The following EMP2 variants were observed in gnomAD, a reference collection of about 807,000 sequenced individuals.
The protein encoded by EMP2 is epithelial membrane protein 2.
A neutral mutation model predicts 13.7 loss-of-function variants in EMP2; 19 were observed. That is an observed-to-expected ratio of 1.38 (90% CI 0.97 to 2.03). EMP2 has a LOEUF of 2.03. Among genes scored for constraint, EMP2 ranks in the 30% most tolerant of loss-of-function variants. The pLI is 0.00. For synonymous variants in EMP2, 97 were observed against 84.7 expected (o/e 1.15, Z -0.80); for missense variants, 253 against 220.7 (o/e 1.15, Z -0.93).
intron 1 of EMP2, among the ~76,000 whole-genome samples, chr16:10,577,551 T>C (rs2050991958): frequency 6.6e-6 from 1 of 152,142 alleles, no homozygotes; most frequent in African/African-American, 2.4e-5. Flanking sequence ...CTGCTCTGCC[T>C]GTCACCACCA....
chr16:10,542,931 C>T (rs1222042253), intron 3 of EMP2, among the ~76,000 whole-genome samples: 3 of 152,190 alleles, frequency 2.0e-5, no homozygotes, highest in Admixed American at 6.5e-5. Context: ...CCGCAACCTC[C>T]GCCTCCTGGA....
rs1224991301 is a variant in EMP2, at chr16:10,533,017, T to C, written c.392A>G (p.Tyr131Cys). ...GTAGCTGCCTTCTCTGGTCACGGGA[T>C]AGAATTTCGCGTTTTTGTCGTGAAT... is the stretch of plus-strand genomic sequence containing the variant. ...EDIHDKNAKF[Y>C]PVTREGSYGY... Residue 131 changes from tyrosine (Y) to cysteine (C), a missense_variant, in exon 5 of 5, where the codon TAT (tyrosine) becomes TGT (cysteine). Coordinates refer to ENST00000359543, the MANE Select transcript of EMP2 (RefSeq NM_001424.6). 3 of 1,611,912 alleles carry C rather than the reference T, an allele frequency of 1.9e-6. No individual in the cohort carries two copies. Among genetic ancestry groups the C allele is most frequent in the South Asian group, 1.1e-5 (1 of 90,526 alleles).
rs923999651 is a variant in EMP2, at chr16:10,530,871, T to A, written c.*2034A>T. The A allele has an allele frequency of 1.3e-5, 2 of 152,196 alleles. No individual in the cohort carries two copies. Among genetic ancestry groups the A allele is most frequent in the Non-Finnish European group, 2.9e-5 (2 of 68,046 alleles). 9.4% of individuals were successfully genotyped at this position (152,196 alleles called of 1,614,324 possible). The stretch of plus-strand genomic sequence containing the variant: ...ATAACTGTCATCTGCACGAACTGAA[T>A]GGAGCTATATTTAGACTGATCTAAA... On this transcript the variant is annotated 3_prime_UTR_variant, in exon 5 of 5. Transcript: ENST00000359543.
Position 10,541,770 on chromosome 16 carries a change from C to T in EMP2, c.169+1800G>A, listed in dbSNP as rs530667229. Among the ~76,000 whole-genome samples the T allele has an allele frequency of 5.3e-5, 8 of 152,236 alleles. No individual in the cohort carries two copies. The South Asian group carries it at 6.2e-4, about 12-fold the overall frequency. Reference sequence around the variant, plus strand: ...GGTCACACCTAGACTGGAATCCTGCCGCCATCATTCGCTCCTGGCTATGCG... The same window carrying T: ...GGTCACACCTAGACTGGAATCCTGCTGCCATCATTCGCTCCTGGCTATGCG... On this transcript the variant is annotated intron_variant, in intron 3 of 4. Coordinates refer to ENST00000359543, the MANE Select transcript of EMP2 (RefSeq NM_001424.6).
intron 1 of EMP2, among the ~76,000 whole-genome samples, chr16:10,562,150 G>A (rs549150131): frequency 4.5e-4 from 68 of 152,132 alleles, no homozygotes; most frequent in African/African-American, 1.5e-3. Flanking sequence ...TCCCACATGT[G>A]CATGAGTGAA....
chr16:10,546,472 CATT>C (rs933756869), intron 2 of EMP2: 2 of 152,112 alleles, frequency 1.3e-5, no homozygotes, highest in African/African-American at 4.8e-5. Flanking sequence ...TAAAGGGAAA[CATT>C]AAATTTTTCA....
Position 10,580,181 on chromosome 16 carries a change from G to A in EMP2, c.-61+368C>T, listed in dbSNP as rs546453618. Among the ~76,000 whole-genome samples the A allele has an allele frequency of 1.3e-5, 2 of 152,152 alleles. No individual in the cohort carries two copies. The highest frequency in any genetic ancestry group is 4.8e-5 in the African/African-American group (2 of 41,442). On this transcript the variant is annotated intron_variant, in intron 1 of 4. Coordinates refer to ENST00000359543, the MANE Select transcript of EMP2 (RefSeq NM_001424.6). The surrounding 1 kb of genome is among the most constrained non-coding windows in gnomAD (Gnocchi z 4.3). ...CAGTCCTGCCCGCGAGGCGAGTCTG[G>A]GGACGCTGCCCGGGAATCCCTCACG... is the stretch of plus-strand genomic sequence containing the variant.
In EMP2 at chr16:10,532,918, C is replaced by T. The variant is rs1433309620; in HGVS notation, c.491G>A (p.Arg164Lys). The T allele has an allele frequency of 1.3e-6, 2 of 1,554,336 alleles. No homozygotes were observed. The highest frequency in any genetic ancestry group is 1.7e-6 in the Non-Finnish European group (2 of 1,146,614). The change falls in exon 5 of 5, where the codon AGG becomes AAG. Residue 164 changes from arginine (R) to lysine (K), a missense_variant. By Grantham distance (26) the Arg-to-Lys change is conservative. Transcript: ENST00000359543. ...AGCTCCGGAACTCTATTTGCGCTTC[C>T]TCAGTATCAGGTACATCATGCCGCT... ...FISGMMYLIL[R>K]KRK
Position 10,530,956 on chromosome 16 carries a change from T to C in EMP2, c.*1949A>G, listed in dbSNP as rs1032177267. 1.3e-5 allele frequency: 2 copies of C among 152,222 alleles called. No individual in the cohort carries two copies. The highest frequency in any genetic ancestry group is 2.4e-5 in the African/African-American group (1 of 41,450). The allele number at this position is 152,222 out of a possible 1,614,324, so 9.4% of individuals were successfully genotyped here. ...CACGCGTAAAGCAGCCTCCCTACCA[T>C]GCCACAGGCCTCGATTTTGAATCGT... On this transcript the variant is annotated 3_prime_UTR_variant, in exon 5 of 5. Transcript: ENST00000359543.
At chr16:10,575,132 C>A (rs2050973496) in intron 1 of EMP2, among the ~76,000 whole-genome samples, 1 of 151,888 alleles carries the variant, frequency 6.6e-6, no homozygotes, top group Admixed American at 6.6e-5. Context: ...AAATATCCTC[C>A]CAAGCCCATC....
chr16:10,533,183 C>T, intron 4 of EMP2, 91 bp from the exon 5 acceptor site: 1 of 1,155,324 alleles, frequency 8.7e-7, no homozygotes. Flanking sequence ...TGAAGACAAA[C>T]TTCAGCTTTT....
At chr16:10,561,919 T>C (rs879863158) in intron 1 of EMP2, among the ~76,000 whole-genome samples, 2 of 152,180 alleles carry the variant, frequency 1.3e-5, no homozygotes, top group African/African-American at 2.4e-5. Flanking sequence ...AAAGGGTTTA[T>C]CCAGGGCCTG....
At chr16:10,565,296 T>A (rs952892828) in intron 1 of EMP2, among the ~76,000 whole-genome samples, 1 of 152,220 alleles carries the variant, frequency 6.6e-6, no homozygotes, top group Non-Finnish European at 1.5e-5. Context: ...TGCTTTGGGA[T>A]GAGATTCACA....
chr16:10,542,269 G>A (rs1300020882), intron 3 of EMP2, among the ~76,000 whole-genome samples: 1 of 152,036 alleles, frequency 6.6e-6, no homozygotes, highest in Non-Finnish European at 1.5e-5. Context: ...ATGGTGGTGA[G>A]TGCCTGTAGT....
chr16:10,557,067 G>A lies in EMP2; in HGVS notation c.-60-9390C>T, dbSNP rs192221507. On this transcript the variant is annotated intron_variant, in intron 1 of 4. Transcript: ENST00000359543. Reference sequence around the variant, plus strand: ...TTAAGAGAGGGCCTAAAAAAGAATCGTGCTTTAGGCTGGGTGCAGTGGCTC... The same window carrying A: ...TTAAGAGAGGGCCTAAAAAAGAATCATGCTTTAGGCTGGGTGCAGTGGCTC... Among the ~76,000 whole-genome samples the A allele has an allele frequency of 4.4e-3, 673 of 152,212 alleles. 2 individuals carry two copies. The highest frequency in any genetic ancestry group is 0.011 in the Admixed American group (165 of 15,284).
chr16:10,572,339 C>T (rs555844469), intron 1 of EMP2, among the ~76,000 whole-genome samples: 16 of 152,018 alleles, frequency 1.1e-4, no homozygotes, highest in African/African-American at 3.9e-4. Context: ...CCCAGCTACT[C>T]AGGAGGCTGA....
chr16:10,533,140 A>G, intron 4 of EMP2, 48 bp from the exon 5 acceptor site: 1 of 1,445,628 alleles, frequency 6.9e-7, no homozygotes, highest in Non-Finnish European at 9.2e-7. Context: ...ACCACAGTGC[A>G]CCCTGGGTAG....
chr16:10,576,687 G>A (rs935911664), intron 1 of EMP2: 25 of 152,194 alleles, frequency 1.6e-4, no homozygotes, highest in African/African-American at 5.8e-4. Context: ...GTCCCTTTTA[G>A]ATCAACAGAA....
intron 3 of EMP2, among the ~76,000 whole-genome samples, chr16:10,539,394 G>T (rs1028323724): frequency 6.6e-6 from 1 of 152,128 alleles, no homozygotes; most frequent in Non-Finnish European, 1.5e-5. Flanking sequence ...AGAGCATCTA[G>T]CCTTTCCCCC....
Sources: allele counts gnomAD v4.1 joint callset (sites outside exome capture counted in the v4.1 genomes callset), GRCh38; gene constraint gnomAD v4.1.1; non-coding constraint Gnocchi (gnomAD v3.1); transcripts MANE v1.5; gene names NCBI Gene and HGNC (gene_info 2026-07-23, HGNC 2026-07-21).